SYNPO: variants seen among roughly 807,000 people sequenced by gnomAD.
SYNPO encodes synaptopodin.
In SYNPO, 19 loss-of-function variants were observed where a neutral mutation model predicts 49.5. The observed-to-expected ratio is 0.38, with a 90% CI of 0.27 to 0.56. SYNPO has a LOEUF of 0.56. Among genes scored for constraint, SYNPO ranks in the 20% least tolerant of loss-of-function variants. SYNPO has a pLI of 0.68. For missense variants in SYNPO, 1,131 were observed against 1,248.3 expected, an observed-to-expected ratio of 0.91 and a Z score of 1.42; for synonymous variants, 536 against 548.0, an observed-to-expected ratio of 0.98 and a Z score of 0.31.
intron 2 of SYNPO, among the ~76,000 whole-genome samples, chr5:150,623,460 C>G (rs1315198106): frequency 6.6e-6 from 1 of 152,186 alleles, no homozygotes; most frequent in Non-Finnish European, 1.5e-5. Flanking sequence ...CTAGAGCAGG[C>G]ACTCTCAGGG....
In SYNPO at chr5:150,620,899, C is replaced by CTCTTTCTTTCTTTCTTTCTTTCTT. The variant is rs60102848; in HGVS notation, c.400+2158_400+2181dup. On this transcript the variant is annotated intron_variant, in intron 2 of 2. Coordinates refer to the SYNPO transcript ENST00000394243. ...TTTCTTTTTCTTTTTTTCTTTTTTT[C>CTCTTTCTTTCTTTCTTTCTTTCTT]TCTTTCTTTCTTTCTTTCTTTCTTT... Among the ~76,000 whole-genome samples the CTCTTTCTTTCTTTCTTTCTTTCTT allele has an allele frequency of 7.8e-4, 85 of 108,918 alleles. 1 individual carries two copies. Among genetic ancestry groups the CTCTTTCTTTCTTTCTTTCTTTCTT allele is most frequent in the East Asian group, 2.4e-3 (9 of 3,768 alleles). 71.5% of individuals were successfully genotyped at this position (108,918 alleles called of 152,430 possible). A position where few individuals can be genotyped will look rare whatever the true frequency, so the allele number is the denominator to read the frequency against.
the SYNPO span, among the ~76,000 whole-genome samples, chr5:150,586,534 A>G: frequency 1.1e-3 from 167 of 151,796 alleles, no homozygotes; most frequent in Non-Finnish European, 2.2e-3. Flanking sequence ...AGGTAGGTGG[A>G]TAAATAGACA....
intron 1 of SYNPO, among the ~76,000 whole-genome samples, chr5:150,642,843 G>T (rs774749731): frequency 9.9e-5 from 15 of 152,194 alleles, no homozygotes; most frequent in Non-Finnish European, 2.1e-4. Context: ...CATTCCTCTT[G>T]TTCCAGAACA....
upstream of SYNPO, among the ~76,000 whole-genome samples, chr5:150,600,513 T>A (rs538511052): frequency 3.6e-4 from 55 of 152,244 alleles, no homozygotes; most frequent in Non-Finnish European, 3.7e-4. Flanking sequence ...CCTGCCCCTT[T>A]CTGAGCCTTG....
In SYNPO at chr5:150,622,670, G is replaced by A. The variant is rs78232345; in HGVS notation, c.400+3903G>A. Among the ~76,000 whole-genome samples, 393 of 152,314 alleles carry A rather than the reference G, an allele frequency of 2.6e-3. 7 individuals carry two copies. In the East Asian group the frequency reaches 0.063, roughly 25 times the overall value. ...TGTTCAGGCAGAGGGACCTGTGTGC[G>A]TGTTAACAGCTGACAGTGGTCACTG... On this transcript the variant is annotated intron_variant, in intron 2 of 2. Transcript: ENST00000394243.
chr5:150,649,771 C>T lies in SYNPO; in HGVS notation c.1496C>T (p.Ser499Leu). 1 of 1,612,712 alleles carries T rather than the reference C, an allele frequency of 6.2e-7. No homozygotes were observed. The change falls in exon 2 of 3, where the codon TCA becomes TTA. Residue 499 changes from serine to leucine, a missense_variant. Physicochemically the swap from Ser to Leu is moderately radical, Grantham distance 145. This residue lies in a region of SYNPO where 602 missense variants were observed against 720.7 expected (regional missense o/e 0.84). Transcript: ENST00000307662. ...SRMEKYVIES[S>L]SHTPELARCP... ...ATGGAGAAATATGTCATCGAGTCTTCAAGCCACACGCCAGAGCTGGCCCGC... is the reference window on the plus strand; with the variant it reads ...ATGGAGAAATATGTCATCGAGTCTTTAAGCCACACGCCAGAGCTGGCCCGC...
rs778154429 is a variant in SYNPO at position 150,658,747 on chromosome 5, T to C, written c.*1660T>C. 1 of 152,102 alleles carries C rather than the reference T, an allele frequency of 6.6e-6. No homozygotes were observed. The highest frequency in any genetic ancestry group is 1.5e-5 in the Non-Finnish European group (1 of 68,048). 9.4% of individuals were successfully genotyped at this position (152,102 alleles called of 1,614,324 possible). A position where few individuals can be genotyped will look rare whatever the true frequency, so the allele number is the denominator to read the frequency against. On this transcript the variant is annotated 3_prime_UTR_variant, in exon 3 of 3. Transcript: ENST00000307662. ...AACCCCCAAGTGAGGCTGGAGGGAG[T>C]TAAGGTCAGTATGGAAGATAGGGTT...
chr5:150,589,793 A>G, the SYNPO span, among the ~76,000 whole-genome samples: 1 of 152,222 alleles, frequency 6.6e-6, no homozygotes, highest in East Asian at 1.9e-4. Flanking sequence ...GTATCTTCAA[A>G]TGAGGGTTTA....
intron 2 of SYNPO, among the ~76,000 whole-genome samples, chr5:150,619,955 C>G (rs1204308806): frequency 6.6e-6 from 1 of 152,164 alleles, no homozygotes; most frequent in Non-Finnish European, 1.5e-5. Context: ...GCACTGCAGT[C>G]TTGAACTTGG....
At chr5:150,618,904 C>T (rs772961318) in intron 2 of SYNPO, 17 of 1,152,222 alleles carry the variant, frequency 1.5e-5, no homozygotes, top group African/African-American at 3.1e-5. Flanking sequence ...CCCAGATTAA[C>T]AGCTGTGGAG....
At chr5:150,650,800 G>T in intron 2 of SYNPO, 1 of 1,289,788 alleles carries the variant, frequency 7.8e-7, no homozygotes, top group South Asian at 3.3e-5. Context: ...TCCCTCCTGA[G>T]GCTCAAGCTC....
rs1230024150 is a variant in SYNPO, at chr5:150,658,785, T to C, written c.*1698T>C. 6.6e-6 allele frequency: 1 copy of C among 152,376 alleles called. No homozygotes were observed. The highest frequency in any genetic ancestry group is 1.5e-5 in the Non-Finnish European group (1 of 68,096). 9.4% of individuals were successfully genotyped at this position (152,376 alleles called of 1,614,324 possible). On this transcript the variant is annotated 3_prime_UTR_variant, in exon 3 of 3. Transcript: ENST00000307662. The stretch of plus-strand genomic sequence containing the variant: ...GGAAGATAGGGTTGGGACAGGGTGC[T>C]TTGGAATGAAAGAGTGACCTTAGAG...
upstream of SYNPO, among the ~76,000 whole-genome samples, chr5:150,637,049 T>C (rs527687719): frequency 3.3e-5 from 5 of 152,326 alleles, no homozygotes; most frequent in African/African-American, 9.6e-5. Context: ...AAAGCAGATA[T>C]TATTATCCCT....
chr5:150,646,184 A>C (rs1758085924), intron 1 of SYNPO, among the ~76,000 whole-genome samples: 1 of 151,730 alleles, frequency 6.6e-6, no homozygotes, highest in Admixed American at 6.6e-5. Flanking sequence ...ACAAAAAAAA[A>C]AAAAAATTGG....
At chr5:150,646,216 G>A (rs1345870142) in intron 1 of SYNPO, among the ~76,000 whole-genome samples, 4 of 151,386 alleles carry the variant, frequency 2.6e-5, no homozygotes, top group Non-Finnish European at 4.4e-5. Context: ...GGCGCACACC[G>A]ATAGTCCAGA....
chr5:150,621,316 A>T (rs994753525), intron 2 of SYNPO, among the ~76,000 whole-genome samples: 1 of 152,136 alleles, frequency 6.6e-6, no homozygotes, highest in Non-Finnish European at 1.5e-5. Flanking sequence ...ATTTCTAGGG[A>T]CAGAGGGGGC....
At chr5:150,597,488 C>T (rs1405574472), upstream of SYNPO, among the ~76,000 whole-genome samples, 3 of 152,202 alleles carry the variant, frequency 2.0e-5, no homozygotes, top group East Asian at 1.9e-4. Context: ...CGCGTCACCA[C>T]GCCTGGCTAA....
At chr5:150,602,979 G>A (rs1297133158) in intron 1 of SYNPO, among the ~76,000 whole-genome samples, 3 of 149,538 alleles carry the variant, frequency 2.0e-5, no homozygotes. Flanking sequence ...AGAGTGGAAA[G>A]CCCAGTTGCC....
chr5:150,602,721 T>C (rs1329358581), intron 1 of SYNPO, among the ~76,000 whole-genome samples: 1 of 152,162 alleles, frequency 6.6e-6, no homozygotes, highest in Non-Finnish European at 1.5e-5. Context: ...TTTTATTTTT[T>C]GTAGAGACAG....
Sources: allele counts gnomAD v4.1 joint callset (sites outside exome capture counted in the v4.1 genomes callset), GRCh38; gene constraint gnomAD v4.1.1; regional missense constraint gnomAD v4.1.1; transcripts MANE v1.5; gene names NCBI Gene and HGNC (gene_info 2026-07-23, HGNC 2026-07-21).